The following CACNA1B variants were observed in gnomAD, a reference collection of about 807,000 sequenced individuals.
CACNA1B encodes voltage-dependent N-type calcium channel subunit alpha-1B.
A neutral mutation model predicts 247.2 loss-of-function variants in CACNA1B; 70 were observed. The observed-to-expected ratio is 0.28, with a 90% CI of 0.23 to 0.35. The LOEUF is 0.35. Ranked by LOEUF, CACNA1B falls within the 10% of genes least tolerant of loss-of-function variation. The pLI is 1.00. For missense variants in CACNA1B, 2,367 were observed against 3,197.4 expected, an observed-to-expected ratio of 0.74 and a Z score of 6.26; for synonymous variants, 1,231 against 1,294.4, an observed-to-expected ratio of 0.95 and a Z score of 1.05.
chr9:138,058,712 C>CA lies in CACNA1B; in HGVS notation c.4453dup (p.Thr1485AsnfsTer10). On this transcript the variant is annotated frameshift_variant, in exon 29 of 47. Transcript: ENST00000371372. LOFTEE classifies it high-confidence loss of function. The surrounding 1 kb of genome is among the most constrained non-coding windows in gnomAD (Gnocchi z 4.7). ...TCATCATGGCCATGATAGCCCTCAA[C>CA]ACTGTGGTGCTGATGATGAAGGTGT... 1 of 1,608,398 alleles carries CA rather than the reference C, an allele frequency of 6.2e-7. No homozygotes were observed. The highest frequency in any genetic ancestry group is 8.5e-7 in the Non-Finnish European group (1 of 1,177,362).
At chr9:137,922,108 C>T (rs556779562) in intron 6 of CACNA1B, among the ~76,000 whole-genome samples, 1 of 148,706 alleles carries the variant, frequency 6.7e-6, no homozygotes, top group Admixed American at 6.7e-5. Flanking sequence ...ATCAGCACCG[C>T]GATCACACAG....
At chr9:137,965,742 C>T (rs921792589) in intron 10 of CACNA1B, among the ~76,000 whole-genome samples, 2 of 152,078 alleles carry the variant, frequency 1.3e-5, no homozygotes, top group Non-Finnish European at 1.5e-5. Context: ...CCCACCACCA[C>T]GCCCAGCTAA....
intron 3 of CACNA1B, among the ~76,000 whole-genome samples, chr9:137,893,382 G>A (rs1160766032): frequency 6.6e-6 from 1 of 150,520 alleles, no homozygotes; most frequent in Non-Finnish European, 1.5e-5. Context: ...TGGGTGCGGT[G>A]GCTCATGCCT....
chr9:138,029,980 G>T (rs1564247541), intron 20 of CACNA1B, among the ~76,000 whole-genome samples: 1 of 152,160 alleles, frequency 6.6e-6, no homozygotes, highest in Non-Finnish European at 1.5e-5. Flanking sequence ...GTGTGTGTTT[G>T]TAGATTCTTT....
At chr9:138,041,720 G>C (rs548576950) in intron 20 of CACNA1B, among the ~76,000 whole-genome samples, 2 of 152,168 alleles carry the variant, frequency 1.3e-5, no homozygotes, top group East Asian at 3.9e-4. Context: ...ATTGAAGCCA[G>C]ACTGATTCTT....
intron 15 of CACNA1B, among the ~76,000 whole-genome samples, chr9:138,000,393 TG>T (rs1958562226): frequency 6.6e-6 from 1 of 152,182 alleles, no homozygotes; most frequent in South Asian, 2.1e-4. Context: ...CCACCGTGCC[TG>T]GCCAAAACAT....
chr9:137,990,731 G>A lies in CACNA1B; in HGVS notation c.1974+3877G>A, dbSNP rs1480805785. On this transcript the variant is annotated intron_variant, in intron 15 of 46. Coordinates refer to ENST00000371372, the MANE Select transcript of CACNA1B (RefSeq NM_000718.4). This position sits in a 1 kb window ranked among gnomAD's most constrained non-coding sequence, Gnocchi z 4.5. ...CCCTGCTACCCCCACCAGAGCAGGT[G>A]CTGGTATCCGCACCTGAAAGACCTG... 6.6e-6 allele frequency among the ~76,000 whole-genome samples: 1 copy of A among 152,172 alleles called. No homozygotes were observed. The highest frequency in any genetic ancestry group is 2.4e-5 in the African/African-American group (1 of 41,436).
At chr9:138,016,033 CACAG>C (rs1958787891) in intron 18 of CACNA1B, among the ~76,000 whole-genome samples, 1 of 152,026 alleles carries the variant, frequency 6.6e-6, no homozygotes, top group Admixed American at 6.6e-5. Flanking sequence ...CAGAAGCACA[CACAG>C]AATCATACAC....
Position 138,011,850 on chromosome 9 carries a change from AC to A in CACNA1B, c.2161-1278del, listed in dbSNP as rs2133421298. Among the ~76,000 whole-genome samples the A allele has an allele frequency of 6.6e-6, 1 of 152,268 alleles. No homozygotes were observed. Among genetic ancestry groups the A allele is most frequent in the South Asian group, 2.1e-4 (1 of 4,826 alleles). On this transcript the variant is annotated intron_variant, in intron 17 of 46. Transcript: ENST00000371372. The surrounding 1 kb of genome is among the most constrained non-coding windows in gnomAD (Gnocchi z 4.2). ...CAGATTCAAGGACATTTTAGGGAAC[AC>A]TGGGAATGCTGGCTCCCAGGGGAGC...
In CACNA1B at chr9:138,121,443, A is replaced by ATTTTTTTTTT; in HGVS notation, c.6490-23_6490-22insTTTTTTTTTT. On this transcript the variant is annotated intron_variant, in intron 46 of 46. Transcript: ENST00000371372. The surrounding 1 kb of genome is among the most constrained non-coding windows in gnomAD (Gnocchi z 6.8). ...TTTTTTTTTTTTTTTTTTACCTCTG[A>ATTTTTTTTTT]TTTGTTCTGGTCCATTTTCATGTAG... The ATTTTTTTTTT allele has an allele frequency of 1.2e-6, 1 of 819,822 alleles. No homozygotes were observed. Among genetic ancestry groups the ATTTTTTTTTT allele is most frequent in the Non-Finnish European group, 1.7e-6 (1 of 585,668 alleles). 50.8% of individuals were successfully genotyped at this position (819,822 alleles called of 1,614,324 possible).
At chr9:137,932,344 G>A (rs1957617409) in intron 6 of CACNA1B, among the ~76,000 whole-genome samples, 1 of 152,192 alleles carries the variant, frequency 6.6e-6, no homozygotes, top group African/African-American at 2.4e-5. Context: ...GTTGTTGGGA[G>A]CTACATTAAT....
chr9:138,116,851 G>C (rs1371407991), intron 42 of CACNA1B, among the ~76,000 whole-genome samples: 1 of 152,202 alleles, frequency 6.6e-6, no homozygotes, highest in South Asian at 2.1e-4. Flanking sequence ...TCTGTGCCTG[G>C]TGCCAGCAGG....
At chr9:138,078,313 C>T (rs924656620) in intron 36 of CACNA1B, 55 bp downstream of exon 36, 9 of 1,556,412 alleles carry the variant, frequency 5.8e-6, no homozygotes, top group Non-Finnish European at 8.0e-6. Flanking sequence ...CGGTACAGCT[C>T]AGGCTTCTCC....
At chr9:137,927,109 AT>A (rs1447895438) in intron 6 of CACNA1B, among the ~76,000 whole-genome samples, 1 of 152,148 alleles carries the variant, frequency 6.6e-6, no homozygotes, top group African/African-American at 2.4e-5. Context: ...TCGCTGTCAA[AT>A]CTAATATTGT....
At chr9:137,884,975 C>A (rs1459095728) in intron 3 of CACNA1B, among the ~76,000 whole-genome samples, 1 of 129,780 alleles carries the variant, frequency 7.7e-6, no homozygotes, top group Non-Finnish European at 1.7e-5. Flanking sequence ...CCCCTCCTCC[C>A]ACTTTGCCTG....
At chr9:137,966,960 G>A (rs1285425261) in intron 10 of CACNA1B, among the ~76,000 whole-genome samples, 4 of 145,394 alleles carry the variant, frequency 2.8e-5, no homozygotes, top group African/African-American at 1.1e-4. Context: ...TGGCTTGGTG[G>A]TTTTGCTTTT....
chr9:137,994,214 A>G (rs1958469372), intron 15 of CACNA1B, among the ~76,000 whole-genome samples: 1 of 152,348 alleles, frequency 6.6e-6, no homozygotes, highest in Non-Finnish European at 1.5e-5. Context: ...AATAAAAGCC[A>G]CCTGTGACAA....
intron 15 of CACNA1B, among the ~76,000 whole-genome samples, chr9:138,005,075 G>C (rs1156820552): frequency 6.6e-6 from 1 of 152,206 alleles, no homozygotes; most frequent in Non-Finnish European, 1.5e-5. Flanking sequence ...CAGTATGGAG[G>C]CTCCTTAAGA....
chr9:138,000,347 C>T (rs1297199804), intron 15 of CACNA1B, among the ~76,000 whole-genome samples: 3 of 152,148 alleles, frequency 2.0e-5, no homozygotes, highest in Non-Finnish European at 4.4e-5. Context: ...ATCAGCCCGC[C>T]TTGGCCTCCC....
Sources: allele counts gnomAD v4.1 joint callset (sites outside exome capture counted in the v4.1 genomes callset), GRCh38; gene constraint gnomAD v4.1.1; non-coding constraint Gnocchi (gnomAD v3.1); transcripts MANE v1.5; gene names NCBI Gene and HGNC (gene_info 2026-07-23, HGNC 2026-07-21).